Variants in PROSER3 observed in about 807,000 individuals in gnomAD.
The protein encoded by PROSER3 is proline and serine-rich protein 3.
PROSER3 carries 33 observed loss-of-function variants against 50.2 expected under a neutral mutation model. The ratio of observed to expected loss-of-function variants is 0.66; its 90% confidence interval spans 0.50 to 0.88. PROSER3 has a LOEUF of 0.88. Ranked by LOEUF, PROSER3 falls within the 40% of genes least tolerant of loss-of-function variation. The pLI is 0.00. For missense variants in PROSER3, 623 were observed against 612.7 expected, an observed-to-expected ratio of 1.02 and a Z score of -0.18; for synonymous variants, 266 against 259.3, an observed-to-expected ratio of 1.03 and a Z score of -0.25.
intron 5 of PROSER3, chr19:35,763,008 G>A (rs1971010139): frequency 6.7e-6 from 1 of 149,738 alleles, no homozygotes; most frequent in Admixed American, 6.7e-5. Context: ...CTCCAGCCTG[G>A]CGACAGCAAG....
chr19:35,766,331 G>C (rs1971140208), intron 7 of PROSER3, among the ~76,000 whole-genome samples: 1 of 152,134 alleles, frequency 6.6e-6, no homozygotes, highest in South Asian at 2.1e-4. Context: ...ATGATGGCTT[G>C]AGCCCAGGAG....
rs1359026851 is a variant in PROSER3 at position 35,768,664 on chromosome 19, TG to T, written c.*120del. 1.7e-5 allele frequency: 22 copies of T among 1,307,342 alleles called. No homozygotes were observed. The African/African-American group carries it at 2.4e-4, about 14-fold the overall frequency. 81.0% of individuals were successfully genotyped at this position (1,307,342 alleles called of 1,614,324 possible). Reference sequence around the variant, plus strand: ...AAGGGGTCATGCCAATTTAAGGAAATGCCCCCCATCCTCCGCTGCCCCATGG... The same window carrying T: ...AAGGGGTCATGCCAATTTAAGGAAATCCCCCCATCCTCCGCTGCCCCATGG... On this transcript the variant is annotated 3_prime_UTR_variant, in exon 11 of 11. Coordinates refer to ENST00000396908, the Ensembl canonical transcript of PROSER3.
chr19:35,764,752 G>GT, intron 5 of PROSER3, 102 bp from the exon 6 acceptor site: 1 of 1,050,004 alleles, frequency 9.5e-7, no homozygotes, highest in Non-Finnish European at 1.4e-6. Flanking sequence ...GGCATGTGAG[G>GT]TTACCAAGGG....
intron 4 of PROSER3, 51 bp from the exon 5 acceptor site, chr19:35,762,202 C>T (rs1386270590): frequency 5.0e-6 from 8 of 1,593,500 alleles, no homozygotes; most frequent in Non-Finnish European, 6.0e-6. Flanking sequence ...CTGATCAATG[C>T]CCCCAGCAGC....
chr19:35,764,236 C>G (rs1410014046), intron 5 of PROSER3, among the ~76,000 whole-genome samples: 4 of 152,164 alleles, frequency 2.6e-5, no homozygotes, highest in African/African-American at 9.7e-5. Flanking sequence ...ATCAGAAGCC[C>G]CAGGGCTCAC....
chr19:35,758,241 T>C lies in PROSER3; in HGVS notation c.11+15T>C, dbSNP rs1294565956. ...ATGGACCGCAGGTGAGGCCGATCGC[T>C]CTTCCAGGGACTACAGGAGGCTGGG... On this transcript the variant is annotated intron_variant, in intron 1 of 10. Transcript: ENST00000396908. The C allele has an allele frequency of 6.4e-7, 1 of 1,562,324 alleles. No homozygotes were observed. Among genetic ancestry groups the C allele is most frequent in the Non-Finnish European group, 8.7e-7 (1 of 1,153,254 alleles).
chr19:35,767,961 AG>A lies in PROSER3; in HGVS notation c.1117del (p.Val373TrpfsTer50). 2 of 1,609,400 alleles carry A rather than the reference AG, an allele frequency of 1.2e-6. No homozygotes were observed. Among genetic ancestry groups the A allele is most frequent in the Non-Finnish European group, 8.5e-7 (1 of 1,179,164 alleles). ...GTCAAGGCCTCGCCGCCAGCCTTCC[AG>A]GTGGGGTCTCCGGAGGCCCTGGCCC... is the stretch of plus-strand genomic sequence containing the variant. On this transcript the variant is annotated frameshift_variant, in exon 9 of 11. Transcript: ENST00000396908. LOFTEE classifies it high-confidence loss of function.
chr19:35,768,360 C>A, intron 10 of PROSER3, 44 bp from the exon 11 acceptor site: 5 of 1,585,788 alleles, frequency 3.2e-6, no homozygotes, highest in Non-Finnish European at 4.3e-6. Context: ...AGATTCTAAG[C>A]CTGAGCACAT....
chr19:35,770,468 T>A (rs994626969), downstream of PROSER3, among the ~76,000 whole-genome samples: 1 of 152,308 alleles, frequency 6.6e-6, no homozygotes, highest in East Asian at 1.9e-4. Context: ...TGATATTCTT[T>A]GACACACTTG....
At chr19:35,762,434 A>G (rs746863338) in intron 5 of PROSER3, 78 bp downstream of exon 5, 1 of 1,344,592 alleles carries the variant, frequency 7.4e-7, no homozygotes, top group East Asian at 2.5e-5. Context: ...GAAGATCAGG[A>G]GCAGTGGCTC....
intron 3 of PROSER3, 56 bp downstream of exon 3, chr19:35,760,047 G>C (rs1032608322): frequency 1.4e-6 from 2 of 1,428,512 alleles, no homozygotes; most frequent in African/African-American, 2.9e-5. Flanking sequence ...GGAGGGAGAA[G>C]GCATGCAGTA....
intron 5 of PROSER3, 99 bp from the exon 6 acceptor site, chr19:35,764,755 A>G (rs1228413335): frequency 9.2e-7 from 1 of 1,082,852 alleles, no homozygotes; most frequent in South Asian, 1.4e-5. Flanking sequence ...ATGTGAGGTT[A>G]CCAAGGGCAG....
chr19:35,767,530 G>A (rs1971195024), intron 8 of PROSER3: 1 of 505,264 alleles, frequency 2.0e-6, no homozygotes, highest in Admixed American at 3.6e-5. Context: ...GCTGTGCCCA[G>A]CCTAAGAGCC....
chr19:35,767,706 G>T, intron 8 of PROSER3: 1 of 1,442,526 alleles, frequency 6.9e-7, no homozygotes, highest in Non-Finnish European at 9.4e-7. Context: ...CACTTCGAGG[G>T]CCCCCCTCCA....
intron 1 of PROSER3, chr19:35,758,751 C>T (rs2060932592): frequency 6.5e-6 from 1 of 153,826 alleles, no homozygotes; most frequent in Non-Finnish European, 1.4e-5. Context: ...CTACTGCAAC[C>T]TCTGCCCCCG....
chr19:35,761,888 A>C, intron 3 of PROSER3, 131 bp from the exon 4 acceptor site: 1 of 1,143,728 alleles, frequency 8.7e-7, no homozygotes, highest in Admixed American at 3.2e-5. Flanking sequence ...TATATAAGAA[A>C]GAAAAGCAGA....
At chr19:35,766,950 A>G in exon 8 of PROSER3, 1 of 1,550,268 alleles carries the variant, frequency 6.5e-7, no homozygotes, top group Non-Finnish European at 8.7e-7. Flanking sequence ...TGCCCTCCGC[A>G]CGTTGGTGAG....
At chr19:35,763,916 T>C (rs1033446620) in intron 5 of PROSER3, among the ~76,000 whole-genome samples, 1 of 147,488 alleles carries the variant, frequency 6.8e-6, no homozygotes, top group Non-Finnish European at 1.5e-5. Context: ...GCCTCCTGAG[T>C]ACCTGGGACT....
intron 1 of PROSER3, chr19:35,758,624 T>C: frequency 4.5e-6 from 1 of 220,124 alleles, no homozygotes; most frequent in South Asian, 1.6e-4. Context: ...CCCCCAGGAA[T>C]GTATGGGAAA....
Sources: allele counts gnomAD v4.1 joint callset (sites outside exome capture counted in the v4.1 genomes callset), GRCh38; gene constraint gnomAD v4.1.1; transcripts MANE v1.5; gene names NCBI Gene and HGNC (gene_info 2026-07-23, HGNC 2026-07-21).